Variants in SORCS2 observed in about 807,000 individuals in gnomAD.
SORCS2 encodes sortilin related VPS10 domain containing receptor 2.
In SORCS2, 100 loss-of-function variants were observed where a neutral mutation model predicts 141.6. The ratio of observed to expected loss-of-function variants is 0.71; its 90% confidence interval spans 0.60 to 0.83. The LOEUF (loss-of-function observed/expected upper bound fraction) is 0.83, where lower values mean the gene tolerates loss of function less well. SORCS2 is among the 40% of genes least tolerant of loss of function. The probability of loss-of-function intolerance (pLI) is 0.00; values close to 1 mark genes in which losing one functional copy is unlikely to be tolerated. For missense variants in SORCS2, 1,646 were observed against 1,560.2 expected (o/e 1.05, Z -0.93); for synonymous variants, 789 against 676.9 (o/e 1.17, Z -2.57).
At chr4:7,601,840 T>C (rs1397330809) in intron 3 of SORCS2, among the ~76,000 whole-genome samples, 1 of 152,144 alleles carries the variant, frequency 6.6e-6, no homozygotes, top group Non-Finnish European at 1.5e-5. Flanking sequence ...TTTGTGTCCC[T>C]GAGTATGTGA....
chr4:7,339,871 G>A (rs1233280212), intron 1 of SORCS2, among the ~76,000 whole-genome samples: 1 of 152,232 alleles, frequency 6.6e-6, no homozygotes, highest in Non-Finnish European at 1.5e-5. Flanking sequence ...TCTCCAGGAA[G>A]ATGTCAAGGG....
intron 1 of SORCS2, among the ~76,000 whole-genome samples, chr4:7,294,764 CTCCT>C (rs1716864243): frequency 4.5e-5 from 1 of 22,076 alleles, no homozygotes; most frequent in African/African-American, 2.5e-4. Context: ...CCCCAGCTCC[CTCCT>C]CCCCCTCCCC....
intron 1 of SORCS2, among the ~76,000 whole-genome samples, chr4:7,395,665 C>A (rs1277449169): frequency 6.6e-6 from 1 of 152,060 alleles, no homozygotes; most frequent in Non-Finnish European, 1.5e-5. Flanking sequence ...TCAGGTGGGC[C>A]CCGTGTGTGA....
intron 1 of SORCS2, among the ~76,000 whole-genome samples, chr4:7,257,423 A>G (rs1485876937): frequency 1.3e-5 from 2 of 152,062 alleles, no homozygotes; most frequent in African/African-American, 4.8e-5. Flanking sequence ...CAGTGTAAGT[A>G]TGGACCCTGA....
At chr4:7,699,450 G>C (rs1300338480) in intron 12 of SORCS2, among the ~76,000 whole-genome samples, 1 of 152,192 alleles carries the variant, frequency 6.6e-6, no homozygotes, top group Non-Finnish European at 1.5e-5. Flanking sequence ...AGGTGTCCCA[G>C]TGCAGAGCCC....
At chr4:7,580,605 T>C (rs1167013392) in intron 3 of SORCS2, among the ~76,000 whole-genome samples, 3 of 152,224 alleles carry the variant, frequency 2.0e-5, no homozygotes, top group Non-Finnish European at 4.4e-5. Flanking sequence ...GGTAACAATA[T>C]TCTTACAGTA....
At chr4:7,318,001 G>C (rs531273819) in intron 1 of SORCS2, among the ~76,000 whole-genome samples, 1 of 152,346 alleles carries the variant, frequency 6.6e-6, no homozygotes, top group East Asian at 1.9e-4. Context: ...CCACGAGCAC[G>C]TGTTCATACA....
At chr4:7,593,090 T>A (rs1717024938) in intron 3 of SORCS2, among the ~76,000 whole-genome samples, 1 of 152,008 alleles carries the variant, frequency 6.6e-6, no homozygotes, top group African/African-American at 2.4e-5. Context: ...ATGGTGGCAG[T>A]CAGGAGGTTG....
intron 3 of SORCS2, among the ~76,000 whole-genome samples, chr4:7,612,383 G>A (rs1213590871): frequency 1.3e-5 from 2 of 152,186 alleles, no homozygotes; most frequent in South Asian, 2.1e-4. Context: ...GCACCCTGCC[G>A]TGCCCTCCGG....
chr4:7,598,178 A>G (rs1459365982), intron 3 of SORCS2, among the ~76,000 whole-genome samples: 1 of 152,050 alleles, frequency 6.6e-6, no homozygotes, highest in African/African-American at 2.4e-5. Flanking sequence ...CATGTTGGCC[A>G]GGCTGGTCTT....
chr4:7,273,706 C>T (rs895006690), intron 1 of SORCS2, among the ~76,000 whole-genome samples: 2 of 152,214 alleles, frequency 1.3e-5, no homozygotes, highest in Non-Finnish European at 2.9e-5. Flanking sequence ...AGAGTGAATG[C>T]AGACTGTGAC....
chr4:7,369,363 A>G (rs1722106543), intron 1 of SORCS2, among the ~76,000 whole-genome samples: 1 of 152,192 alleles, frequency 6.6e-6, no homozygotes, highest in South Asian at 2.1e-4. Flanking sequence ...TAGATTGCTC[A>G]GTCTCGGGTA....
chr4:7,358,001 GAAAATATTT>G (rs1721356634), intron 1 of SORCS2, among the ~76,000 whole-genome samples: 1 of 152,206 alleles, frequency 6.6e-6, no homozygotes, highest in East Asian at 1.9e-4. Flanking sequence ...GCTTCCTCCT[GAAAATATTT>G]GTGTACCCCC....
chr4:7,351,656 C>T (rs1218423628), intron 1 of SORCS2, among the ~76,000 whole-genome samples: 1 of 151,842 alleles, frequency 6.6e-6, no homozygotes, highest in African/African-American at 2.4e-5. Context: ...ATCCCTTCCT[C>T]TCCCTTCCTC....
At chr4:7,228,945 G>A (rs930085890) in intron 1 of SORCS2, among the ~76,000 whole-genome samples, 6 of 152,222 alleles carry the variant, frequency 3.9e-5, no homozygotes, top group African/African-American at 1.4e-4. Flanking sequence ...GGGCTGGAAG[G>A]GCCCATTCCC....
At chr4:7,735,992 T>G (rs982728151) in intron 25 of SORCS2, among the ~76,000 whole-genome samples, 76 of 152,234 alleles carry the variant, frequency 5.0e-4, no homozygotes, top group African/African-American at 1.8e-3. Context: ...ACCCCAGGGC[T>G]GTGACTCCAG....
chr4:7,505,996 T>C (rs1225292052), intron 2 of SORCS2, among the ~76,000 whole-genome samples: 1 of 152,136 alleles, frequency 6.6e-6, no homozygotes, highest in East Asian at 1.9e-4. Flanking sequence ...TGAGGAGCCC[T>C]GGCAGGGGGA....
chr4:7,549,018 G>A (rs1044617150), intron 3 of SORCS2, among the ~76,000 whole-genome samples: 5 of 151,974 alleles, frequency 3.3e-5, no homozygotes, highest in Admixed American at 6.6e-5. Context: ...TAGAACATAG[G>A]GTGGGGTCCA....
At chr4:7,305,045 T>A (rs1443543551) in intron 1 of SORCS2, among the ~76,000 whole-genome samples, 1 of 151,704 alleles carries the variant, frequency 6.6e-6, no homozygotes, top group Admixed American at 6.6e-5. Context: ...TTTTTTTTTT[T>A]TTTTTGAGAC....
Sources: gnomAD v4.1 joint callset for allele counts (sites outside exome capture counted in the v4.1 genomes callset) on GRCh38, gnomAD v4.1.1 for gene constraint, MANE v1.5 for transcripts, NCBI Gene and HGNC (gene_info 2026-07-23, HGNC 2026-07-21) for gene names.